Variants in DSCAML1 observed in about 807,000 individuals in gnomAD.
DSCAML1 encodes DS cell adhesion molecule like 1.
DSCAML1 carries 38 observed loss-of-function variants against 200.5 expected under a neutral mutation model. The ratio of observed to expected loss-of-function variants is 0.19; its 90% CI spans 0.15 to 0.25. The LOEUF is 0.25. DSCAML1 is among the 10% of genes least tolerant of loss of function. The pLI, the probability that DSCAML1 is intolerant of heterozygous loss-of-function variation, is 1.00. For missense variants in DSCAML1, 2,223 were observed against 2,858.8 expected (o/e 0.78, Z 5.07); for synonymous variants, 1,215 against 1,165.0 (o/e 1.04, Z -0.87).
chr11:117,794,693 A>G (rs2055538771), intron 1 of DSCAML1, among the ~76,000 whole-genome samples: 1 of 151,416 alleles, frequency 6.6e-6, no homozygotes, highest in South Asian at 2.1e-4. Context: ...GAGAGAAAAT[A>G]CTCCAAACCC....
rs769313788 is a variant in DSCAML1 at position 117,484,742 on chromosome 11, T to C, written c.2360-2580A>G. Among the ~76,000 whole-genome samples the C allele has an allele frequency of 1.3e-4, 20 of 152,312 alleles. 1 individual carries two copies. The highest frequency in any genetic ancestry group is 6.8e-3 in the Middle Eastern group (2 of 294). ...CATTGCAGATGCCTCCATTTTTTAC[T>C]GGAGAATTGAGCTCGGGTGTCGGGG... On this transcript the variant is annotated intron_variant, in intron 11 of 32. Coordinates refer to ENST00000651296, the MANE Select transcript of DSCAML1 (RefSeq NM_020693.4).
chr11:117,715,644 C>A (rs931348669), intron 3 of DSCAML1, among the ~76,000 whole-genome samples: 1 of 152,160 alleles, frequency 6.6e-6, no homozygotes, highest in Non-Finnish European at 1.5e-5. Context: ...AACAGCCCCT[C>A]CACAAAGTGT....
intron 3 of DSCAML1, among the ~76,000 whole-genome samples, chr11:117,654,223 G>T (rs1213160689): frequency 1.3e-5 from 2 of 152,226 alleles, no homozygotes; most frequent in East Asian, 3.9e-4. Context: ...TTGGCCAGAG[G>T]GTGGGAGGTT....
At chr11:117,590,556 C>T (rs992661675) in intron 3 of DSCAML1, among the ~76,000 whole-genome samples, 4 of 152,150 alleles carry the variant, frequency 2.6e-5, no homozygotes, top group African/African-American at 7.2e-5. Context: ...CCTCCCACAC[C>T]GTCCTTCCAG....
intron 3 of DSCAML1, among the ~76,000 whole-genome samples, chr11:117,739,130 A>G (rs2054376807): frequency 6.6e-6 from 1 of 152,208 alleles, no homozygotes; most frequent in South Asian, 2.1e-4. Flanking sequence ...CCAATTGATA[A>G]AGAAAGAAAA....
intron 3 of DSCAML1, 119 bp from the exon 4 acceptor site, chr11:117,532,641 G>T: frequency 9.6e-7 from 1 of 1,038,792 alleles, no homozygotes; most frequent in Non-Finnish European, 1.4e-6. Context: ...AATAGAAATG[G>T]TAGTAATTGT....
At position 117,780,228 on chromosome 11, in the gene DSCAML1, A is replaced by G. The variant is rs868846892; in HGVS notation, c.364+265T>C. Among the ~76,000 whole-genome samples the G allele has an allele frequency of 9.4e-4, 106 of 113,208 alleles. 4 individuals are homozygous for G. Among genetic ancestry groups the G allele is most frequent in the African/African-American group, 4.1e-3 (99 of 23,880 alleles). The allele number at this position is 113,208 out of a possible 152,430, so 74.3% of individuals were successfully genotyped here. A position where few individuals can be genotyped will look rare whatever the true frequency, so the allele number is the denominator to read the frequency against. On this transcript the variant is annotated intron_variant, in intron 2 of 32. Transcript: ENST00000651296. This position sits in a 1 kb window ranked among gnomAD's most constrained non-coding sequence, Gnocchi z 4.8. ...AAGAAAGAGAGAGAGAGAAAGAAAG[A>G]AAGGAAAGAAAGAAAGAAAGAAAGA...
In DSCAML1 at chr11:117,760,473, C is replaced by G. The variant is rs575758602; in HGVS notation, c.511+16318G>C. Among the ~76,000 whole-genome samples, 34 of 152,324 alleles carry G rather than the reference C, an allele frequency of 2.2e-4. No individual in the cohort carries two copies. The East Asian group carries it at 6.2e-3, about 28-fold the overall frequency. ...GTTTTCAAACTTTGTACAAATGGCA[C>G]CATAATGTATGGCATCCTTCTACAA... On this transcript the variant is annotated intron_variant, in intron 3 of 32. Transcript: ENST00000651296.
At chr11:117,813,631 T>C (rs1231097898) in intron 1 of DSCAML1, among the ~76,000 whole-genome samples, 1 of 152,204 alleles carries the variant, frequency 6.6e-6, no homozygotes, top group Non-Finnish European at 1.5e-5. Context: ...TTTCAATTCA[T>C]ACAAAACCGT....
At chr11:117,547,224 C>A (rs1273898410) in intron 3 of DSCAML1, among the ~76,000 whole-genome samples, 1 of 152,220 alleles carries the variant, frequency 6.6e-6, no homozygotes, top group Non-Finnish European at 1.5e-5. Flanking sequence ...AGCCCCCACC[C>A]CCACTTTTAT....
chr11:117,726,179 TC>T (rs1400313651), intron 3 of DSCAML1, among the ~76,000 whole-genome samples: 4 of 152,190 alleles, frequency 2.6e-5, no homozygotes, highest in African/African-American at 7.2e-5. Context: ...TCTTTGAGCC[TC>T]AGTTTCCTCA....
chr11:117,675,783 A>G (rs1214027360), intron 3 of DSCAML1, among the ~76,000 whole-genome samples: 1 of 152,102 alleles, frequency 6.6e-6, no homozygotes, highest in Non-Finnish European at 1.5e-5. Context: ...ACCTGCTCTC[A>G]TCCCTCATCC....
Position 117,518,871 on chromosome 11 carries a change from A to G in DSCAML1, c.1214-109T>C. ...AGGCAAAAAGCAGCCATAAGAGCAA[A>G]CAAGAACTTTTGTGTACATCAATTC... On this transcript the variant is annotated intron_variant, in intron 6 of 32. Transcript: ENST00000651296. The surrounding 1 kb of genome is among the most constrained non-coding windows in gnomAD (Gnocchi z 6.3). The G allele has an allele frequency of 7.8e-7, 1 of 1,276,076 alleles. No homozygotes were observed. 79.0% of individuals were successfully genotyped at this position (1,276,076 alleles called of 1,614,324 possible).
chr11:117,737,102 A>G (rs967247894), intron 3 of DSCAML1, among the ~76,000 whole-genome samples: 2 of 152,202 alleles, frequency 1.3e-5, no homozygotes, highest in Admixed American at 6.5e-5. Context: ...CCACTATTTA[A>G]GAAGGCAACG....
intron 1 of DSCAML1, among the ~76,000 whole-genome samples, chr11:117,813,770 C>G (rs1240302454): frequency 6.6e-6 from 1 of 152,190 alleles, no homozygotes; most frequent in African/African-American, 2.4e-5. Context: ...CACCCCTAAT[C>G]CCGCTTGAAG....
At chr11:117,604,575 C>T (rs905681408) in intron 3 of DSCAML1, among the ~76,000 whole-genome samples, 8 of 152,234 alleles carry the variant, frequency 5.3e-5, no homozygotes, top group Non-Finnish European at 7.3e-5. Flanking sequence ...TGTGGCAAGG[C>T]GGCCAGCTCA....
Position 117,465,173 on chromosome 11 carries a change from T to C in DSCAML1, c.3034A>G (p.Lys1012Glu), listed in dbSNP as rs2048555740. The C allele has an allele frequency of 1.9e-6, 3 of 1,613,402 alleles. No homozygotes were observed. Among genetic ancestry groups the C allele is most frequent in the African/African-American group, 2.7e-5 (2 of 74,872 alleles). Reference protein sequence around the residue: ...SIQVTWKAPKKELQNGVIRGY... With the variant: ...SIQVTWKAPKEELQNGVIRGY... The stretch of plus-strand genomic sequence containing the variant: ...CGGATGACACCGTTCTGCAGCTCCT[T>C]CTTGGGTGCCTGTGAGCATGGGGTG... Residue 1012 changes from lysine (K) to glutamate (E), a missense_variant, in exon 17 of 33, where the codon AAG (lysine) becomes GAG (glutamate). This residue lies in a region of DSCAML1 where 438 missense variants were observed against 629.7 expected (regional missense o/e 0.70). Coordinates refer to ENST00000651296, the MANE Select transcript of DSCAML1 (RefSeq NM_020693.4).
Position 117,480,567 on chromosome 11 carries a change from G to A in DSCAML1, c.2661C>T (p.Pro887=). 1 of 1,559,532 alleles carries A rather than the reference G, an allele frequency of 6.4e-7. No homozygotes were observed. Among genetic ancestry groups the A allele is most frequent in the Non-Finnish European group, 8.7e-7 (1 of 1,151,296 alleles). The change falls in exon 14 of 33, where the codon CCC becomes CCT. Residue 887 remains proline, a synonymous_variant. Transcript: ENST00000651296. The surrounding 1 kb of genome is among the most constrained non-coding windows in gnomAD (Gnocchi z 4.1). Reference sequence around the variant, plus strand: ...GGATCTCCAGCTCTGGGGGGTCGGGGGGCTCTAGGGTGCGGCAGTGGAGGG... The same window carrying A: ...GGATCTCCAGCTCTGGGGGGTCGGGAGGCTCTAGGGTGCGGCAGTGGAGGG... ...RGLIQLTVQE[P]PDPPELEIRE... is the part of the protein sequence containing the mutation.
chr11:117,553,486 C>T (rs2137397095), intron 3 of DSCAML1, among the ~76,000 whole-genome samples: 1 of 152,204 alleles, frequency 6.6e-6, no homozygotes, highest in East Asian at 1.9e-4. Flanking sequence ...CTTGAATAGA[C>T]AGTTCCCCAA....
Sources: gnomAD v4.1 joint callset for allele counts (sites outside exome capture counted in the v4.1 genomes callset) on GRCh38, gnomAD v4.1.1 for gene constraint, gnomAD v4.1.1 regional missense constraint, Gnocchi (gnomAD v3.1) non-coding constraint, MANE v1.5 for transcripts, NCBI Gene and HGNC (gene_info 2026-07-23, HGNC 2026-07-21) for gene names.